Variants in TBC1D8 observed in about 807,000 individuals in gnomAD.
The protein encoded by TBC1D8 is TBC1 domain family member 8.
TBC1D8 carries 65 observed loss-of-function variants against 118.8 expected under a neutral mutation model. The observed-to-expected ratio is 0.55, with a 90% CI of 0.45 to 0.67. TBC1D8 has a LOEUF of 0.67. Ranked by LOEUF, TBC1D8 falls within the 30% of genes least tolerant of loss-of-function variation. The pLI, the probability that TBC1D8 is intolerant of heterozygous loss-of-function variation, is 0.00. For missense variants in TBC1D8, 1,376 were observed against 1,471.2 expected (o/e 0.94, Z 1.06); for synonymous variants, 566 against 595.8 (o/e 0.95, Z 0.73).
intron 11 of TBC1D8, 55 bp from the exon 12 acceptor site, chr2:101,029,831 C>T: frequency 6.5e-7 from 1 of 1,545,410 alleles, no homozygotes; most frequent in East Asian, 2.3e-5. Flanking sequence ...TCTCTAAGGT[C>T]AGTCTGAAAT....
At chr2:101,098,558 A>G (rs575762085) in intron 1 of TBC1D8, among the ~76,000 whole-genome samples, 1 of 152,344 alleles carries the variant, frequency 6.6e-6, no homozygotes, top group East Asian at 1.9e-4. Flanking sequence ...TCAACAGTGT[A>G]TACATTCTTC....
chr2:101,082,519 C>T (rs908795740), intron 2 of TBC1D8, among the ~76,000 whole-genome samples: 1 of 152,184 alleles, frequency 6.6e-6, no homozygotes, highest in Non-Finnish European at 1.5e-5. Context: ...GTCCTTGTTT[C>T]GACTTATGCC....
chr2:101,031,761 C>T (rs13394663), intron 11 of TBC1D8, among the ~76,000 whole-genome samples: 93 of 152,136 alleles, frequency 6.1e-4, no homozygotes, highest in African/African-American at 1.5e-3. Flanking sequence ...TCCAAGTCTG[C>T]CCTTTAACTG....
chr2:101,116,383 T>C (rs1208335199), intron 1 of TBC1D8, among the ~76,000 whole-genome samples: 1 of 152,186 alleles, frequency 6.6e-6, no homozygotes, highest in East Asian at 1.9e-4. Flanking sequence ...GTAAGTAGCC[T>C]CACCTCTCTC....
rs754055152 is a variant in TBC1D8, at chr2:101,032,303, C to T, written c.1901G>A (p.Arg634Gln). The stretch of plus-strand genomic sequence containing the variant: ...GTGGTTGAAGTAATCGGGCAGCATC[C>T]GCTCACACACAGCAACCAACAGCCA... ...AFWLLVAVCE[R>Q]MLPDYFNHRV... Residue 634 changes from arginine (R) to glutamine (Q), a missense_variant, in exon 11 of 20, where the codon CGG becomes CAG. Arg to Gln is a conservative substitution (Grantham distance 43). Transcript: ENST00000409318. The T allele has an allele frequency of 9.9e-6, 16 of 1,613,728 alleles. No homozygotes were observed. Among genetic ancestry groups the T allele is most frequent in the African/African-American group, 1.3e-5 (1 of 74,902 alleles).
rs55824667 is a variant in TBC1D8 at position 101,096,419 on chromosome 2, CAAAAAAAAAAAAAAAA to C, written c.128-6071_128-6056del. 1.8e-4 allele frequency among the ~76,000 whole-genome samples: 8 copies of C among 43,742 alleles called. No individual in the cohort carries two copies. In the Admixed American group the frequency reaches 2.9e-3, roughly 16 times the overall value. The allele number at this position is 43,742 out of a possible 152,430, so 28.7% of individuals were successfully genotyped here. Reference sequence around the variant, plus strand: ...CCAAAATATTATGTCTGGCTTTTGACAAAAAAAAAAAAAAAAAAAAAAAAAAAACTATAATGCACGC... The same window carrying C: ...CCAAAATATTATGTCTGGCTTTTGACAAAAAAAAAAAACTATAATGCACGC... On this transcript the variant is annotated intron_variant, in intron 1 of 19. Coordinates refer to ENST00000409318, the MANE Select transcript of TBC1D8 (RefSeq NM_001330348.2).
At chr2:101,063,629 A>G (rs1171537509) in intron 2 of TBC1D8, among the ~76,000 whole-genome samples, 2 of 152,254 alleles carry the variant, frequency 1.3e-5, no homozygotes, top group African/African-American at 4.8e-5. Flanking sequence ...AATGCAAGCC[A>G]ACTGCATGTC....
intron 1 of TBC1D8, among the ~76,000 whole-genome samples, chr2:101,145,762 C>T (rs1679293464): frequency 6.6e-6 from 1 of 152,230 alleles, no homozygotes; most frequent in Middle Eastern, 3.2e-3. Flanking sequence ...GCTCCCTTTA[C>T]TCACTACGAT....
intron 3 of TBC1D8, among the ~76,000 whole-genome samples, chr2:101,057,374 T>C (rs1422856750): frequency 6.6e-6 from 1 of 152,214 alleles, no homozygotes; most frequent in Non-Finnish European, 1.5e-5. Context: ...CACAGTACAC[T>C]GCCCCCAAAA....
intron 5 of TBC1D8, among the ~76,000 whole-genome samples, chr2:101,045,711 C>G (rs1272313410): frequency 1.3e-5 from 2 of 152,062 alleles, no homozygotes; most frequent in Non-Finnish European, 2.9e-5. Flanking sequence ...CCCAGAGACC[C>G]GTGGCTGGGA....
intron 2 of TBC1D8, among the ~76,000 whole-genome samples, chr2:101,083,289 G>C (rs1675383849): frequency 6.6e-6 from 1 of 152,144 alleles, no homozygotes; most frequent in Non-Finnish European, 1.5e-5. Flanking sequence ...CTTCCATGAA[G>C]TAAAAGGCAG....
chr2:101,071,878 C>A (rs1248912538), intron 2 of TBC1D8, among the ~76,000 whole-genome samples: 1 of 152,138 alleles, frequency 6.6e-6, no homozygotes, highest in African/African-American at 2.4e-5. Flanking sequence ...TGGTGCTTTC[C>A]AGAACGTTTT....
intron 1 of TBC1D8, among the ~76,000 whole-genome samples, chr2:101,140,304 A>T (rs1679045391): frequency 6.6e-6 from 1 of 152,232 alleles, no homozygotes; most frequent in Non-Finnish European, 1.5e-5. Context: ...AAAGTACCTG[A>T]CTAAATTAGA....
At chr2:101,017,814 A>T (rs559874096) in intron 17 of TBC1D8, 2 of 1,545,876 alleles carry the variant, frequency 1.3e-6, no homozygotes, top group African/African-American at 2.7e-5. Flanking sequence ...ATTAGTTTTC[A>T]TACTAATACT....
intron 2 of TBC1D8, among the ~76,000 whole-genome samples, chr2:101,083,081 C>T (rs1675369900): frequency 6.6e-6 from 1 of 152,094 alleles, no homozygotes; most frequent in Non-Finnish European, 1.5e-5. Context: ...CAGAAAGCGC[C>T]CAAGGAGTTT....
intron 17 of TBC1D8, among the ~76,000 whole-genome samples, chr2:101,015,029 A>AT (rs1228782759): frequency 6.6e-6 from 1 of 152,072 alleles, no homozygotes; most frequent in East Asian, 1.9e-4. Flanking sequence ...TCATTAGGTG[A>AT]TTTTGTCATT....
intron 4 of TBC1D8, among the ~76,000 whole-genome samples, chr2:101,051,933 T>C (rs547409429): frequency 6.6e-6 from 1 of 152,376 alleles, no homozygotes; most frequent in South Asian, 2.1e-4. Context: ...ACCCAACTCA[T>C]GTTCTAATGG....
intron 4 of TBC1D8, 129 bp from the exon 5 acceptor site, chr2:101,050,770 G>C (rs1682022101): frequency 8.5e-7 from 1 of 1,175,920 alleles, no homozygotes; most frequent in South Asian, 1.5e-5. Flanking sequence ...AATCTTTTAA[G>C]TTCAGGGATA....
At chr2:101,129,114 A>T (rs1678473980) in intron 1 of TBC1D8, among the ~76,000 whole-genome samples, 1 of 152,178 alleles carries the variant, frequency 6.6e-6, no homozygotes, top group East Asian at 1.9e-4. Context: ...TATTTACCAC[A>T]GTTTTTGTGT....
Sources: allele counts gnomAD v4.1 joint callset (sites outside exome capture counted in the v4.1 genomes callset), GRCh38; gene constraint gnomAD v4.1.1; transcripts MANE v1.5; gene names NCBI Gene and HGNC (gene_info 2026-07-23, HGNC 2026-07-21).